Variants in CHST9 observed in about 807,000 individuals in gnomAD.
The protein encoded by CHST9 is carbohydrate sulfotransferase 9.
Under a neutral mutation model 44.4 loss-of-function variants are expected in CHST9, and 41 were observed. The observed-to-expected ratio is 0.92, with a 90% CI of 0.72 to 1.20. The LOEUF (loss-of-function observed/expected upper bound fraction) is 1.20, where lower values mean the gene tolerates loss of function less well. Among genes scored for constraint, CHST9 ranks in the 50% most tolerant of loss-of-function variants. CHST9 has a pLI of 0.00. For missense variants in CHST9, 504 were observed against 516.5 expected, an observed-to-expected ratio of 0.98 and a Z score of 0.23; for synonymous variants, 171 against 178.4, an observed-to-expected ratio of 0.96 and a Z score of 0.33.
chr18:27,141,743 A>T (rs1156323277), intron 2 of CHST9, among the ~76,000 whole-genome samples: 2 of 60,386 alleles, frequency 3.3e-5, no homozygotes, highest in Non-Finnish European at 8.5e-5. Flanking sequence ...AGAATAACTT[A>T]AAAAAAAAAA....
At chr18:26,973,738 G>A (rs766610834) in intron 4 of CHST9, among the ~76,000 whole-genome samples, 17 of 152,280 alleles carry the variant, frequency 1.1e-4, no homozygotes, top group Middle Eastern at 6.8e-3. Context: ...AGTGGGTGCC[G>A]TCACTCTGAG....
At chr18:27,168,734 C>A in intron 1 of CHST9, among the ~76,000 whole-genome samples, 1 of 151,838 alleles carries the variant, frequency 6.6e-6, no homozygotes, top group Non-Finnish European at 1.5e-5. Context: ...CTCTATAATC[C>A]CCTCCTCTTG....
At chr18:27,088,133 C>T (rs2143703550) in intron 2 of CHST9, among the ~76,000 whole-genome samples, 1 of 152,208 alleles carries the variant, frequency 6.6e-6, no homozygotes, top group East Asian at 1.9e-4. Flanking sequence ...CAGGATTTTG[C>T]AGAATACTCT....
At chr18:27,155,850 A>T (rs1415009770) in intron 1 of CHST9, among the ~76,000 whole-genome samples, 4 of 152,124 alleles carry the variant, frequency 2.6e-5, no homozygotes, top group Admixed American at 2.6e-4. Context: ...TATGAGAATC[A>T]GCACCATAAA....
Position 26,914,668 on chromosome 18 carries a change from C to T in CHST9, c.*1591G>A, listed in dbSNP as rs989462081. On this transcript the variant is annotated 3_prime_UTR_variant, in exon 6 of 6. Coordinates refer to ENST00000618847, the MANE Select transcript of CHST9 (RefSeq NM_031422.6). ...CTCCTTAGGAGACACAGATGGGACA[C>T]GGCAGGTGTGTGTAAGGAGCGAAGC... 22 of 344,670 alleles carry T rather than the reference C, an allele frequency of 6.4e-5. No individual in the cohort carries two copies. The highest frequency in any genetic ancestry group is 3.1e-4 in the South Asian group (2 of 6,548). The allele number at this position is 344,670 out of a possible 1,614,324, so 21.4% of individuals were successfully genotyped here.
intron 1 of CHST9, among the ~76,000 whole-genome samples, chr18:27,161,779 A>C (rs1318904432): frequency 6.6e-6 from 1 of 152,028 alleles, no homozygotes; most frequent in Non-Finnish European, 1.5e-5. Context: ...TTGCTTTATG[A>C]ATCTGGGTGC....
intron 2 of CHST9, among the ~76,000 whole-genome samples, chr18:27,119,497 T>G (rs928241829): frequency 6.6e-6 from 1 of 152,168 alleles, no homozygotes; most frequent in African/African-American, 2.4e-5. Flanking sequence ...GAATATTATC[T>G]CTGTTTCACT....
chr18:27,033,518 T>C (rs2057361767), intron 3 of CHST9, among the ~76,000 whole-genome samples: 1 of 152,224 alleles, frequency 6.6e-6, no homozygotes, highest in South Asian at 2.1e-4. Context: ...TCTGATAAAA[T>C]GATGCATCTG....
At chr18:27,104,059 C>T (rs1191133333) in intron 2 of CHST9, among the ~76,000 whole-genome samples, 1 of 152,146 alleles carries the variant, frequency 6.6e-6, no homozygotes, top group African/African-American at 2.4e-5. Flanking sequence ...AATCTTCTAT[C>T]ATACTTTTAA....
At chr18:27,105,146 A>T (rs1048057411) in intron 2 of CHST9, among the ~76,000 whole-genome samples, 2 of 151,952 alleles carry the variant, frequency 1.3e-5, no homozygotes. Context: ...AAATAGATAA[A>T]TTTTTTAAAA....
intron 4 of CHST9, among the ~76,000 whole-genome samples, chr18:26,993,079 C>T (rs2056843675): frequency 6.6e-6 from 1 of 152,176 alleles, no homozygotes; most frequent in African/African-American, 2.4e-5. Context: ...TCTCCTCTCC[C>T]CATGTTGCTG....
At chr18:27,172,405 T>C (rs2058840054) in intron 1 of CHST9, among the ~76,000 whole-genome samples, 1 of 152,054 alleles carries the variant, frequency 6.6e-6, no homozygotes, top group African/African-American at 2.4e-5. Flanking sequence ...GTGTCCTTTG[T>C]CTTACCACTG....
At chr18:26,929,602 T>C (rs1327800059) in intron 5 of CHST9, among the ~76,000 whole-genome samples, 2 of 152,186 alleles carry the variant, frequency 1.3e-5, no homozygotes, top group Non-Finnish European at 2.9e-5. Flanking sequence ...CAATTAATAG[T>C]ATCCATAGGC....
chr18:26,964,419 C>T (rs111522748), intron 4 of CHST9, among the ~76,000 whole-genome samples: 1 of 152,194 alleles, frequency 6.6e-6, no homozygotes, highest in African/African-American at 2.4e-5. Flanking sequence ...TCCTATTTCC[C>T]ATTTAGTGCA....
At chr18:27,014,405 G>C (rs895946650) in intron 4 of CHST9, among the ~76,000 whole-genome samples, 3 of 126,236 alleles carry the variant, frequency 2.4e-5, no homozygotes, top group African/African-American at 9.0e-5. Flanking sequence ...AGTGAGCCGA[G>C]ATCCCGCCAC....
At chr18:26,985,654 C>T (rs1449603609) in intron 4 of CHST9, among the ~76,000 whole-genome samples, 1 of 152,192 alleles carries the variant, frequency 6.6e-6, no homozygotes, top group Admixed American at 6.5e-5. Flanking sequence ...GAATGCTGAA[C>T]ATCTGCTGAG....
At chr18:27,044,096 A>G (rs866351220) in intron 3 of CHST9, among the ~76,000 whole-genome samples, 1 of 151,746 alleles carries the variant, frequency 6.6e-6, no homozygotes, top group Admixed American at 6.6e-5. Flanking sequence ...AACTACTCCA[A>G]TTCTTTCTTC....
At chr18:27,053,273 G>GGAGAAGGAGAAT (rs2057606185) in intron 2 of CHST9, among the ~76,000 whole-genome samples, 7 of 122,186 alleles carry the variant, frequency 5.7e-5, no homozygotes, top group Non-Finnish European at 1.2e-4. Flanking sequence ...AGAAGGAGAA[G>GGAGAAGGAGAAT]GAGAAGGAGA....
chr18:27,012,290 C>T (rs957076908), intron 4 of CHST9, among the ~76,000 whole-genome samples: 1 of 152,076 alleles, frequency 6.6e-6, no homozygotes, highest in African/African-American at 2.4e-5. Flanking sequence ...AAAAGCCTTA[C>T]TGATAATGTA....
Sources: gnomAD v4.1 joint callset for allele counts (sites outside exome capture counted in the v4.1 genomes callset) on GRCh38, gnomAD v4.1.1 for gene constraint, MANE v1.5 for transcripts, NCBI Gene and HGNC (gene_info 2026-07-23, HGNC 2026-07-21) for gene names.